Variants in NADK2 observed in about 807,000 individuals in gnomAD.
The protein encoded by NADK2 is NAD kinase domain-containing protein 1, mitochondrial.
NADK2 carries 35 observed loss-of-function variants against 62.1 expected under a neutral mutation model. That is an observed-to-expected ratio of 0.56 (90% CI 0.43 to 0.75). The LOEUF is 0.75. Ranked by LOEUF, NADK2 falls within the 30% of genes least tolerant of loss-of-function variation. NADK2 has a pLI of 0.00. For missense variants in NADK2, 439 were observed against 561.3 expected (o/e 0.78, Z 2.20); for synonymous variants, 205 against 207.9 (o/e 0.99, Z 0.12).
chr5:36,209,800 T>A (rs1165649237), intron 7 of NADK2, among the ~76,000 whole-genome samples: 1 of 152,160 alleles, frequency 6.6e-6, no homozygotes, highest in Non-Finnish European at 1.5e-5. Context: ...GATACCACTA[T>A]CTTTGTTATT....
rs1048626618 is a variant in NADK2 at position 36,194,582 on chromosome 5, A to T, written c.*562T>A. ...AATTATTATTTGAAATTTTTAAATC[A>T]ATAGTCATAACATCATCGTGTTCCG... On this transcript the variant is annotated 3_prime_UTR_variant, in exon 12 of 12. Coordinates refer to ENST00000381937, the MANE Select transcript of NADK2 (RefSeq NM_001085411.3). 6.6e-6 allele frequency: 1 copy of T among 152,198 alleles called. No homozygotes were observed. The highest frequency in any genetic ancestry group is 6.5e-5 in the Admixed American group (1 of 15,278). 9.4% of individuals were successfully genotyped at this position (152,198 alleles called of 1,614,324 possible).
chr5:36,228,834 C>G (rs2112174709), intron 1 of NADK2, among the ~76,000 whole-genome samples: 2 of 151,452 alleles, frequency 1.3e-5, no homozygotes, highest in South Asian at 4.2e-4. Context: ...CCATGTTGCC[C>G]AGGCTAGTCT....
intron 7 of NADK2, among the ~76,000 whole-genome samples, chr5:36,209,489 AT>A (rs1385483588): frequency 6.6e-6 from 1 of 152,100 alleles, no homozygotes; most frequent in Non-Finnish European, 1.5e-5. Context: ...CTCACAAAAC[AT>A]TTTTATCATT....
At chr5:36,230,872 A>T (rs1747683553) in intron 1 of NADK2, among the ~76,000 whole-genome samples, 1 of 152,260 alleles carries the variant, frequency 6.6e-6, no homozygotes, top group South Asian at 2.1e-4. Flanking sequence ...CAAATGTATT[A>T]AACAAGGCAC....
intron 6 of NADK2, among the ~76,000 whole-genome samples, chr5:36,216,771 T>A (rs531629988): frequency 1.3e-5 from 2 of 152,268 alleles, no homozygotes; most frequent in South Asian, 4.1e-4. Flanking sequence ...GACAGTCAAA[T>A]CTACCATCTA....
At chr5:36,229,552 T>A (rs1315343827) in intron 1 of NADK2, among the ~76,000 whole-genome samples, 2 of 151,890 alleles carry the variant, frequency 1.3e-5, no homozygotes, top group East Asian at 4.0e-4. Flanking sequence ...AGCTACAGAT[T>A]GACTAAAACG....
chr5:36,234,123 C>A (rs548203861), intron 1 of NADK2, among the ~76,000 whole-genome samples: 1 of 151,906 alleles, frequency 6.6e-6, no homozygotes, highest in East Asian at 1.9e-4. Flanking sequence ...GCCTGTAATC[C>A]CAGCACTTTG....
intron 4 of NADK2, among the ~76,000 whole-genome samples, chr5:36,225,211 C>T (rs1747437145): frequency 6.6e-6 from 1 of 152,064 alleles, no homozygotes; most frequent in African/African-American, 2.4e-5. Context: ...GAGCTATATC[C>T]TTGAAAACAA....
chr5:36,193,547 T>TAA lies in NADK2; in HGVS notation c.*1595_*1596dup, dbSNP rs1746106153. The TAA allele has an allele frequency of 1.4e-5, 2 of 142,806 alleles. No individual in the cohort carries two copies. Among genetic ancestry groups the TAA allele is most frequent in the African/African-American group, 2.7e-5 (1 of 37,062 alleles). 8.8% of individuals were successfully genotyped at this position (142,806 alleles called of 1,614,324 possible). On this transcript the variant is annotated 3_prime_UTR_variant, in exon 12 of 12. Coordinates refer to ENST00000381937, the MANE Select transcript of NADK2 (RefSeq NM_001085411.3). ...GGTTCTATAGTATGGAGCTTCTTTATAAAGTGGTATCTTATGTATATCAAA... is the reference window on the plus strand; with the variant it reads ...GGTTCTATAGTATGGAGCTTCTTTATAAAAAGTGGTATCTTATGTATATCAAA...
rs1229946296 is a variant in NADK2, at chr5:36,217,812, G to A, written c.717C>T (p.His239=). 13 of 1,613,814 alleles carry A rather than the reference G, an allele frequency of 8.1e-6. No homozygotes were observed. Among genetic ancestry groups the A allele is most frequent in the Admixed American group, 5.0e-5 (3 of 59,978 alleles). The change falls in exon 6 of 12, where the codon CAC becomes CAT. Residue 239 remains histidine (H), a synonymous_variant. Transcript: ENST00000381937. The stretch of plus-strand genomic sequence containing the variant: ...GCTGATTCAAGCTTAGCTGCTGCTC[G>A]TGAAGGTCCACAGGTACAGGGTTTA... ...TGINPVPVDL[H]EQQLSLNQHN...
At position 36,211,927 on chromosome 5, in the gene NADK2, A is replaced by G. The variant is rs201038371; in HGVS notation, c.782-5T>C. 4 of 1,606,982 alleles carry G rather than the reference A, an allele frequency of 2.5e-6. No individual in the cohort carries two copies. The South Asian group carries it at 3.4e-5, about 14-fold the overall frequency. ...GGGGTCCTGAAGCCTCAGACCCTGC[A>G]TGTAATTTAAGACAAAGAAAATCCA... On this transcript the variant is annotated splice_region_variant and splice_polypyrimidine_tract_variant and intron_variant, in intron 6 of 11. Transcript: ENST00000381937.
Position 36,241,613 on chromosome 5 carries a change from C to T in NADK2, c.186G>A (p.Ala62=), listed in dbSNP as rs1390982972. The T allele has an allele frequency of 2.0e-6, 3 of 1,490,934 alleles. No homozygotes were observed. The highest frequency in any genetic ancestry group is 1.5e-5 in the African/African-American group (1 of 68,648). The allele number at this position is 1,490,934 out of a possible 1,614,324, so 92.4% of individuals were successfully genotyped here. Residue 62 remains alanine (A), a synonymous_variant, in exon 1 of 12, where the codon GCG becomes GCA. Transcript: ENST00000381937. This position sits in a 1 kb window ranked among gnomAD's most constrained non-coding sequence, Gnocchi z 4.9. ...PRELAGCGSR[A]DGGFRPSRVV... is the part of the protein sequence containing the mutation. ...CCCGGGAGGGGCGGAAGCCGCCGTC[C>T]GCGCGGCTGCCACAGCCCGCCAGCT... is the stretch of plus-strand genomic sequence containing the variant.
At chr5:36,216,343 T>C (rs536396222) in intron 6 of NADK2, among the ~76,000 whole-genome samples, 5 of 152,236 alleles carry the variant, frequency 3.3e-5, no homozygotes, top group East Asian at 1.9e-4. Context: ...GTTAGATGAA[T>C]AGTTTGCAAG....
intron 1 of NADK2, among the ~76,000 whole-genome samples, chr5:36,227,971 G>A (rs575540818): frequency 6.6e-6 from 1 of 151,200 alleles, no homozygotes; most frequent in Non-Finnish European, 1.5e-5. Context: ...CAGCCTTGAT[G>A]ACTTTTTAAC....
intron 1 of NADK2, among the ~76,000 whole-genome samples, chr5:36,230,987 A>T (rs963826689): frequency 6.6e-6 from 1 of 152,244 alleles, no homozygotes; most frequent in African/African-American, 2.4e-5. Context: ...CTTCAAGGGT[A>T]GCTGGCCCTC....
At chr5:36,229,401 GATA>G (rs1561073630) in intron 1 of NADK2, among the ~76,000 whole-genome samples, 2 of 152,190 alleles carry the variant, frequency 1.3e-5, no homozygotes, top group African/African-American at 2.4e-5. Context: ...CACTGACTAT[GATA>G]ATAACTAGAA....
chr5:36,226,659 T>A, intron 2 of NADK2, 96 bp from the exon 3 acceptor site: 1 of 773,478 alleles, frequency 1.3e-6, no homozygotes, highest in Non-Finnish European at 2.1e-6. Flanking sequence ...AATAGAGATG[T>A]AAAATAAATT....
chr5:36,226,587 T>C (rs1216985175), intron 2 of NADK2, 24 bp from the exon 3 acceptor site: 2 of 1,547,410 alleles, frequency 1.3e-6, no homozygotes, highest in East Asian at 2.2e-5. Context: ...GGAAAGGTTA[T>C]ATGAAATTTC....
chr5:36,231,927 C>T (rs1363785395), intron 1 of NADK2, among the ~76,000 whole-genome samples: 1 of 150,392 alleles, frequency 6.6e-6, no homozygotes, highest in East Asian at 1.9e-4. Context: ...ATTCTTCTCT[C>T]CATTAAAATA....
Sources: gnomAD v4.1 joint callset for allele counts (sites outside exome capture counted in the v4.1 genomes callset) on GRCh38, gnomAD v4.1.1 for gene constraint, Gnocchi (gnomAD v3.1) non-coding constraint, MANE v1.5 for transcripts, NCBI Gene and HGNC (gene_info 2026-07-23, HGNC 2026-07-21) for gene names.